FOXP2: variants seen among roughly 807,000 people sequenced by gnomAD.
FOXP2 encodes forkhead box protein P2.
FOXP2 carries 12 observed loss-of-function variants against 115.8 expected under a neutral mutation model. The observed-to-expected ratio is 0.10, with a 90% CI of 0.07 to 0.17. The LOEUF is 0.17. FOXP2 is among the 10% of genes least tolerant of loss of function. FOXP2 has a pLI of 1.00. For synonymous variants in FOXP2, 328 were observed against 297.7 expected, an observed-to-expected ratio of 1.10 and a Z score of -1.05; for missense variants, 629 against 843.5, an observed-to-expected ratio of 0.75 and a Z score of 3.15.
intron 3 of FOXP2, among the ~76,000 whole-genome samples, chr7:114,608,165 T>C (rs527256560): frequency 6.6e-6 from 1 of 152,344 alleles, no homozygotes; most frequent in African/African-American, 2.4e-5. Context: ...CCCACAAATT[T>C]AGCAACTTAA....
chr7:114,691,342 G>A lies in FOXP2; in HGVS notation c.*1416G>A, dbSNP rs1352686543. On this transcript the variant is annotated 3_prime_UTR_variant, in exon 17 of 17. Transcript: ENST00000350908. The stretch of plus-strand genomic sequence containing the variant: ...AAATTAATTTCATATTGATTTTAAA[G>A]TGATCTAGCTGAGTTTTTACACTGA... The A allele has an allele frequency of 2.2e-6, 1 of 453,598 alleles. No homozygotes were observed. Among genetic ancestry groups the A allele is most frequent in the Non-Finnish European group, 4.4e-6 (1 of 226,668 alleles). 28.1% of individuals were successfully genotyped at this position (453,598 alleles called of 1,614,324 possible). A position where few individuals can be genotyped will look rare whatever the true frequency, so the allele number is the denominator to read the frequency against.
chr7:114,332,384 A>G (rs779479327), intron 2 of FOXP2, among the ~76,000 whole-genome samples: 15 of 152,188 alleles, frequency 9.9e-5, no homozygotes, highest in East Asian at 3.9e-4. Flanking sequence ...TTGGACAATC[A>G]GTAATGCATT....
chr7:114,620,360 A>G (rs888758580), intron 3 of FOXP2, among the ~76,000 whole-genome samples: 2 of 152,066 alleles, frequency 1.3e-5, no homozygotes, highest in Non-Finnish European at 2.9e-5. Flanking sequence ...TGTTAATTGG[A>G]TCCTAACTGC....
intron 2 of FOXP2, among the ~76,000 whole-genome samples, chr7:114,367,448 G>A (rs1461830995): frequency 6.6e-6 from 1 of 151,964 alleles, no homozygotes; most frequent in Admixed American, 6.6e-5. Flanking sequence ...TCATTGTTGT[G>A]GCCCCTCCAA....
intron 1 of FOXP2, among the ~76,000 whole-genome samples, chr7:114,195,086 T>A (rs1793869504): frequency 6.6e-6 from 1 of 152,186 alleles, no homozygotes; most frequent in Admixed American, 6.5e-5. Context: ...GAGTCTGTCC[T>A]TGGGCATTCT....
intron 2 of FOXP2, among the ~76,000 whole-genome samples, chr7:114,314,284 A>G (rs1014530506): frequency 2.0e-5 from 3 of 150,150 alleles, no homozygotes; most frequent in African/African-American, 7.3e-5. Context: ...TATATAATAT[A>G]TGAAACTGTT....
At chr7:114,309,376 C>T (rs976808632) in intron 2 of FOXP2, among the ~76,000 whole-genome samples, 23 of 152,150 alleles carry the variant, frequency 1.5e-4, no homozygotes, top group Non-Finnish European at 3.1e-4. Flanking sequence ...TACCAGTGCA[C>T]CAGTTCATAG....
chr7:114,530,621 G>A (rs1799098941), intron 2 of FOXP2, among the ~76,000 whole-genome samples: 1 of 151,570 alleles, frequency 6.6e-6, no homozygotes, highest in Non-Finnish European at 1.5e-5. Flanking sequence ...TTTATATTTG[G>A]TGAAAGTTTT....
intron 1 of FOXP2, among the ~76,000 whole-genome samples, chr7:114,244,800 G>C (rs1283072506): frequency 6.6e-6 from 1 of 151,176 alleles, no homozygotes; most frequent in Non-Finnish European, 1.5e-5. Flanking sequence ...CTCGCTGTGT[G>C]GCCCAGGCGG....
chr7:114,594,867 T>A (rs1038477245), intron 3 of FOXP2, among the ~76,000 whole-genome samples: 1 of 151,954 alleles, frequency 6.6e-6, no homozygotes, highest in Non-Finnish European at 1.5e-5. Context: ...GAATATATAT[T>A]TTTTTATATT....
At chr7:114,375,666 C>G (rs1296516199) in intron 2 of FOXP2, among the ~76,000 whole-genome samples, 1 of 152,130 alleles carries the variant, frequency 6.6e-6, no homozygotes, top group Non-Finnish European at 1.5e-5. Flanking sequence ...AGTCTTATGT[C>G]TAGATGCTGA....
intron 2 of FOXP2, among the ~76,000 whole-genome samples, chr7:114,407,099 A>G (rs2129197863): frequency 6.6e-6 from 1 of 152,162 alleles, no homozygotes; most frequent in Admixed American, 6.6e-5. Flanking sequence ...AATAAATCAG[A>G]TTACATTATA....
intron 3 of FOXP2, among the ~76,000 whole-genome samples, chr7:114,622,486 C>T (rs987084677): frequency 6.6e-6 from 1 of 151,808 alleles, no homozygotes; most frequent in Non-Finnish European, 1.5e-5. Context: ...AAGCAGAAAA[C>T]CATGCAGCTA....
At chr7:114,114,793 C>A (rs1022118654) in intron 1 of FOXP2, among the ~76,000 whole-genome samples, 1 of 152,074 alleles carries the variant, frequency 6.6e-6, no homozygotes, top group Admixed American at 6.6e-5. Flanking sequence ...CAGAGCCTGG[C>A]TTTCTGAAAA....
intron 1 of FOXP2, among the ~76,000 whole-genome samples, chr7:114,244,686 T>C (rs1795234265): frequency 6.6e-6 from 1 of 152,252 alleles, no homozygotes. Context: ...ATATAAGTAC[T>C]GATATACTAA....
intron 2 of FOXP2, among the ~76,000 whole-genome samples, chr7:114,522,291 C>G (rs1258553194): frequency 6.6e-6 from 1 of 152,050 alleles, no homozygotes; most frequent in African/African-American, 2.4e-5. Flanking sequence ...GTTAAAAAAA[C>G]AGTGGATGAG....
At chr7:114,254,032 T>C (rs1446392573) in intron 1 of FOXP2, among the ~76,000 whole-genome samples, 3 of 152,216 alleles carry the variant, frequency 2.0e-5, no homozygotes, top group African/African-American at 7.2e-5. Context: ...TGAAGGATTT[T>C]ATTTCTCCTT....
chr7:114,444,190 G>A (rs1007734269), intron 2 of FOXP2, among the ~76,000 whole-genome samples: 1 of 152,108 alleles, frequency 6.6e-6, no homozygotes, highest in African/African-American at 2.4e-5. Context: ...TATAATAGAT[G>A]CCGAATTATG....
At chr7:114,473,450 G>A (rs981866744) in intron 2 of FOXP2, among the ~76,000 whole-genome samples, 12 of 152,220 alleles carry the variant, frequency 7.9e-5, no homozygotes, top group South Asian at 4.1e-4. Context: ...AAGTTATTTC[G>A]TTATAATATA....
Sources: allele counts gnomAD v4.1 joint callset (sites outside exome capture counted in the v4.1 genomes callset), GRCh38; gene constraint gnomAD v4.1.1; transcripts MANE v1.5; gene names NCBI Gene and HGNC (gene_info 2026-07-23, HGNC 2026-07-21).